The following EYA2 variants were observed in gnomAD, a reference collection of about 807,000 sequenced individuals.
EYA2 encodes the protein EYA transcriptional coactivator and phosphatase 2, also known as protein phosphatase EYA2.
Under a neutral mutation model 69.2 loss-of-function variants are expected in EYA2, and 31 were observed. The ratio of observed to expected loss-of-function variants is 0.45; its 90% confidence interval spans 0.34 to 0.60. The LOEUF is 0.60. Among genes scored for constraint, EYA2 ranks in the 20% least tolerant of loss-of-function variants. The pLI is 0.02. For missense variants in EYA2, 622 were observed against 701.2 expected, an observed-to-expected ratio of 0.89 and a Z score of 1.28; for synonymous variants, 257 against 279.4, an observed-to-expected ratio of 0.92 and a Z score of 0.80.
In EYA2 at chr20:46,949,107, G is replaced by T. The variant is rs1978646634; in HGVS notation, c.-10-40894G>T. Among the ~76,000 whole-genome samples the T allele has an allele frequency of 2.0e-5, 3 of 152,312 alleles. No individual in the cohort carries two copies. In the Middle Eastern group the frequency reaches 0.01, roughly 518 times the overall value. On this transcript the variant is annotated intron_variant, in intron 1 of 15. Coordinates refer to ENST00000327619, the MANE Select transcript of EYA2 (RefSeq NM_005244.5). ...GATTGGAGCAGAGTCTCTGACTCCA[G>T]AATATGGGGTGTTTGATCATTTGGC...
At chr20:47,181,570 G>A (rs748782167) in intron 14 of EYA2, among the ~76,000 whole-genome samples, 8 of 151,574 alleles carry the variant, frequency 5.3e-5, no homozygotes, top group Non-Finnish European at 1.0e-4. Flanking sequence ...ATGCAGTGGC[G>A]AGATCATAGC....
chr20:47,115,053 A>C (rs1185591893), intron 9 of EYA2, among the ~76,000 whole-genome samples: 1 of 152,240 alleles, frequency 6.6e-6, no homozygotes, highest in Non-Finnish European at 1.5e-5. Flanking sequence ...TCTTTATAGC[A>C]ATGCAAGAAT....
chr20:47,055,111 C>T (rs1447294109), intron 5 of EYA2, among the ~76,000 whole-genome samples: 1 of 152,166 alleles, frequency 6.6e-6, no homozygotes, highest in Non-Finnish European at 1.5e-5. Flanking sequence ...CAGGTGCACA[C>T]CCCTAAAGCA....
Position 46,965,151 on chromosome 20 carries a change from T to C in EYA2, c.-10-24850T>C, listed in dbSNP as rs1568691252. 2.6e-5 allele frequency among the ~76,000 whole-genome samples: 4 copies of C among 152,156 alleles called. No individual in the cohort carries two copies. In the East Asian group the frequency reaches 7.7e-4, roughly 29 times the overall value. Reference sequence around the variant, plus strand: ...CTGGCTCTTGTAATTAGGTGCTCTATGTCCAGTACTTAGAACTGAGCCCGA... The same window carrying C: ...CTGGCTCTTGTAATTAGGTGCTCTACGTCCAGTACTTAGAACTGAGCCCGA... On this transcript the variant is annotated intron_variant, in intron 1 of 15. Transcript: ENST00000327619.
At position 47,153,694 on chromosome 20, in the gene EYA2, C is replaced by T. The variant is rs2033867470; in HGVS notation, c.978+10546C>T. Among the ~76,000 whole-genome samples the T allele has an allele frequency of 1.3e-5, 2 of 151,792 alleles. 1 individual carries two copies. Among genetic ancestry groups the T allele is most frequent in the East Asian group, 3.9e-4 (2 of 5,064 alleles). The stretch of plus-strand genomic sequence containing the variant: ...ACTGAGAAGTTAGTGAAAGTGGGGA[C>T]TCCTCTATGGCTAAATCCGTGAAGG... On this transcript the variant is annotated intron_variant, in intron 10 of 15. Transcript: ENST00000327619.
At chr20:47,159,338 A>G (rs1316744845) in intron 10 of EYA2, among the ~76,000 whole-genome samples, 1 of 152,006 alleles carries the variant, frequency 6.6e-6, no homozygotes, top group Non-Finnish European at 1.5e-5. Flanking sequence ...TCATCATGAG[A>G]AAAACATCGG....
At chr20:47,170,507 C>T (rs1011224618) in intron 11 of EYA2, among the ~76,000 whole-genome samples, 2 of 151,698 alleles carry the variant, frequency 1.3e-5, no homozygotes, top group Admixed American at 1.3e-4. Context: ...ATTAGCCGGG[C>T]GTGGTGGCGG....
intron 10 of EYA2, among the ~76,000 whole-genome samples, chr20:47,156,089 TACACACACAC>T (rs748282079): frequency 1.1e-3 from 33 of 30,952 alleles, no homozygotes; most frequent in African/African-American, 1.5e-3. Context: ...TATATATACA[TACACACACAC>T]ACACACACAC....
At chr20:46,929,828 T>TA (rs543248056) in intron 1 of EYA2, among the ~76,000 whole-genome samples, 3,198 of 145,458 alleles carry the variant, frequency 0.022, 110 homozygotes, top group African/African-American at 0.072. Context: ...CACTGTCTCT[T>TA]AAAAAAAAAA....
intron 15 of EYA2, among the ~76,000 whole-genome samples, chr20:47,185,053 G>C (rs951654914): frequency 6.6e-6 from 1 of 152,076 alleles, no homozygotes; most frequent in Non-Finnish European, 1.5e-5. Context: ...CCAGGCCACC[G>C]GAAATCTGAG....
intron 1 of EYA2, among the ~76,000 whole-genome samples, chr20:46,962,021 T>A (rs892534405): frequency 4.6e-5 from 7 of 152,162 alleles, no homozygotes; most frequent in African/African-American, 1.4e-4. Context: ...CAGATTTTCT[T>A]TCTTTCTTTC....
At chr20:47,089,636 G>T (rs2032012613) in intron 8 of EYA2, among the ~76,000 whole-genome samples, 1 of 152,182 alleles carries the variant, frequency 6.6e-6, no homozygotes, top group Admixed American at 6.5e-5. Context: ...GGGATTGCTG[G>T]GCCTCAGCCC....
chr20:47,058,235 A>G (rs2030726243), intron 5 of EYA2, among the ~76,000 whole-genome samples: 1 of 152,226 alleles, frequency 6.6e-6, no homozygotes, highest in Non-Finnish European at 1.5e-5. Context: ...ATGTAGACTA[A>G]AGACAACGAA....
At chr20:47,037,414 T>C (rs4810594) in intron 5 of EYA2, among the ~76,000 whole-genome samples, 97,798 of 151,690 alleles carry the variant, frequency 0.64, 33,381 homozygotes, top group Non-Finnish European at 0.76. Context: ...TCCGTGTTCA[T>C]TGGCATTATT....
chr20:46,982,542 C>T (rs1330290760), intron 1 of EYA2, among the ~76,000 whole-genome samples: 1 of 150,584 alleles, frequency 6.6e-6, no homozygotes, highest in Admixed American at 6.6e-5. Flanking sequence ...TTCTGACTTG[C>T]TCTCTCTCTC....
At chr20:46,907,897 C>T (rs897519186) in intron 1 of EYA2, among the ~76,000 whole-genome samples, 1 of 152,158 alleles carries the variant, frequency 6.6e-6, no homozygotes, top group African/African-American at 2.4e-5. Context: ...TATGCAAACT[C>T]TGACATCAGC....
At chr20:47,028,854 A>C (rs2146393451) in intron 5 of EYA2, among the ~76,000 whole-genome samples, 1 of 152,302 alleles carries the variant, frequency 6.6e-6, no homozygotes, top group South Asian at 2.1e-4. Flanking sequence ...CAAACTAAGG[A>C]GCCCCAGCCC....
In EYA2 at chr20:46,953,861, G is replaced by A. The variant is rs115784467; in HGVS notation, c.-10-36140G>A. 5.9e-3 allele frequency among the ~76,000 whole-genome samples: 900 copies of A among 152,290 alleles called. 15 individuals are homozygous for A. The highest frequency in any genetic ancestry group is 0.021 in the African/African-American group (858 of 41,564). ...AATAAGTAGGAGCAAAGGAGCTCTC[G>A]TTGGGATGACCATGCCACTCTCCTG... On this transcript the variant is annotated intron_variant, in intron 1 of 15. Transcript: ENST00000327619.
intron 13 of EYA2, among the ~76,000 whole-genome samples, chr20:47,180,268 T>G (rs943936042): frequency 6.6e-6 from 1 of 152,106 alleles, no homozygotes; most frequent in Non-Finnish European, 1.5e-5. Context: ...TGACCTCAGG[T>G]GATCCACCCG....
Sources: gnomAD v4.1 joint callset for allele counts (sites outside exome capture counted in the v4.1 genomes callset) on GRCh38, gnomAD v4.1.1 for gene constraint, MANE v1.5 for transcripts, NCBI Gene and HGNC (gene_info 2026-07-23, HGNC 2026-07-21) for gene names.